The following TAF4 variants were observed in gnomAD, a reference collection of about 807,000 sequenced individuals.
TAF4 encodes the protein TATA-box binding protein associated factor 4.
TAF4 carries 9 observed loss-of-function variants against 90.3 expected under a neutral mutation model. The ratio of observed to expected loss-of-function variants is 0.10; its 90% CI spans 0.06 to 0.17. The LOEUF (loss-of-function observed/expected upper bound fraction) is 0.17. Ranked by LOEUF, TAF4 falls within the 10% of genes least tolerant of loss-of-function variation. The pLI is 1.00. For synonymous variants in TAF4, 818 were observed against 638.9 expected (o/e 1.28, Z -4.23); for missense variants, 1,351 against 1,370.7 (o/e 0.99, Z 0.23).
intron 3 of TAF4, chr20:62,012,122 C>T (rs2055782575): frequency 6.6e-6 from 1 of 152,370 alleles, no homozygotes; most frequent in Non-Finnish European, 1.5e-5. Flanking sequence ...GGACACGCTC[C>T]TCTCTGCAGA....
At chr20:62,064,259 C>T in intron 1 of TAF4, 192 bp downstream of exon 1, 1 of 527,228 alleles carries the variant, frequency 1.9e-6, no homozygotes. Flanking sequence ...GCTATGCCGA[C>T]TCCCTCTGGC....
chr20:61,985,373 G>A (rs2055581615), intron 14 of TAF4, among the ~76,000 whole-genome samples: 1 of 152,116 alleles, frequency 6.6e-6, no homozygotes, highest in African/African-American at 2.4e-5. Flanking sequence ...GAGTCTAGGA[G>A]CCTCAGGCCA....
chr20:62,032,882 G>A (rs574235587), intron 1 of TAF4, among the ~76,000 whole-genome samples: 3 of 152,298 alleles, frequency 2.0e-5, no homozygotes, highest in East Asian at 1.9e-4. Context: ...CGATCAATCC[G>A]ATTCATCAGT....
chr20:62,043,532 A>G (rs544195663), intron 1 of TAF4, among the ~76,000 whole-genome samples: 1 of 152,330 alleles, frequency 6.6e-6, no homozygotes, highest in South Asian at 2.1e-4. Context: ...ACAGCAGCAC[A>G]GTCATGTCCC....
chr20:62,055,012 A>G (rs2145517834), intron 1 of TAF4, among the ~76,000 whole-genome samples: 1 of 150,720 alleles, frequency 6.6e-6, no homozygotes, highest in South Asian at 2.1e-4. Flanking sequence ...GGCCCCTGCC[A>G]CAACCACCCC....
At chr20:62,038,176 C>T (rs1247348435) in intron 1 of TAF4, among the ~76,000 whole-genome samples, 4 of 152,074 alleles carry the variant, frequency 2.6e-5, no homozygotes, top group East Asian at 1.9e-4. Flanking sequence ...TACAGGAGCC[C>T]ACCACTACGC....
At chr20:61,977,151 C>T (rs1204282200) in intron 14 of TAF4, among the ~76,000 whole-genome samples, 7 of 146,904 alleles carry the variant, frequency 4.8e-5, no homozygotes, top group South Asian at 2.2e-4. Context: ...GCCACACACA[C>T]GACACCGCCC....
In TAF4 at chr20:62,012,803, C is replaced by G; in HGVS notation, c.1641+12G>C. ...CCTGCAGCCTCAAGAGATCCGCCGC[C>G]TGCCCTCTCACCTGGACGCCGGGCG... is the stretch of plus-strand genomic sequence containing the variant. On this transcript the variant is annotated intron_variant, in intron 3 of 14. Transcript: ENST00000252996. 6.2e-7 allele frequency: 1 copy of G among 1,607,882 alleles called. No individual in the cohort carries two copies. Among genetic ancestry groups the G allele is most frequent in the Middle Eastern group, 1.7e-4 (1 of 5,818 alleles).
intron 1 of TAF4, among the ~76,000 whole-genome samples, chr20:62,018,984 C>T (rs1163929848): frequency 2.0e-5 from 3 of 151,940 alleles, no homozygotes; most frequent in Admixed American, 2.0e-4. Flanking sequence ...CCCCAGCTCA[C>T]AGCCCCTCTC....
At chr20:61,989,905 C>G (rs572868988) in intron 14 of TAF4, among the ~76,000 whole-genome samples, 12 of 152,318 alleles carry the variant, frequency 7.9e-5, no homozygotes, top group African/African-American at 2.9e-4. Context: ...GACTGAGCAG[C>G]CCCAGGGGTG....
chr20:61,992,637 T>C (rs73297778), intron 14 of TAF4, among the ~76,000 whole-genome samples: 3,639 of 152,232 alleles, frequency 0.024, 64 homozygotes, highest in Middle Eastern at 0.058. Context: ...TGCTGTCCAC[T>C]GAAAAGGCCA....
At chr20:62,027,824 C>T in intron 1 of TAF4, among the ~76,000 whole-genome samples, 1 of 152,222 alleles carries the variant, frequency 6.6e-6, no homozygotes, top group Non-Finnish European at 1.5e-5. Context: ...GCAGGCATGG[C>T]CCACATCGCT....
chr20:62,024,053 G>C (rs1467657693), intron 1 of TAF4, among the ~76,000 whole-genome samples: 2 of 152,092 alleles, frequency 1.3e-5, no homozygotes, highest in African/African-American at 2.4e-5. Context: ...ACTCCAACCT[G>C]GGTGACACAG....
Position 62,064,976 on chromosome 20 carries a change from T to A in TAF4, c.835A>T (p.Thr279Ser). ...APPPPPPAPA[T>S]LARPPGHPAG... ...GGGTGGCCGGGCGGCCGGGCCAGAG[T>A]GGCGGGCGCGGGGGGTGGCGGGGGC... The change falls in exon 1 of 15, where the codon ACT becomes TCT. Residue 279 changes from threonine (T) to serine (S), a missense_variant. Thr to Ser is a moderately conservative substitution (Grantham distance 58). Around this residue, in one of 9 missense-constraint regions of TAF4, gnomAD observed 782 missense variants for 536.6 expected, o/e 1.46. Transcript: ENST00000252996. 9.1e-6 allele frequency: 2 copies of A among 220,806 alleles called. No homozygotes were observed. The highest frequency in any genetic ancestry group is 1.1e-5 in the Non-Finnish European group (2 of 187,802). The allele number at this position is 220,806 out of a possible 1,614,324, so 13.7% of individuals were successfully genotyped here.
Position 61,975,618 on chromosome 20 carries a change from C to T in TAF4, c.*550G>A, listed in dbSNP as rs2055488575. On this transcript the variant is annotated 3_prime_UTR_variant, in exon 15 of 15. Transcript: ENST00000252996. Reference sequence around the variant, plus strand: ...GGGTGCAACGATGAATTGTGTATTCCTCCAGGATTCTCAGCGGAGTGGAGG... The same window carrying T: ...GGGTGCAACGATGAATTGTGTATTCTTCCAGGATTCTCAGCGGAGTGGAGG... The T allele has an allele frequency of 6.6e-6, 1 of 150,680 alleles. No homozygotes were observed. Among genetic ancestry groups the T allele is most frequent in the Non-Finnish European group, 1.4e-5 (1 of 69,310 alleles). The allele number at this position is 150,680 out of a possible 1,614,324, so 9.3% of individuals were successfully genotyped here.
chr20:62,045,385 G>A (rs1465885118), intron 1 of TAF4, among the ~76,000 whole-genome samples: 1 of 152,214 alleles, frequency 6.6e-6, no homozygotes, highest in Non-Finnish European at 1.5e-5. Flanking sequence ...GACGATGGCG[G>A]TGAAACTTTC....
In TAF4 at chr20:62,059,906, T is replaced by C. The variant is rs577128901; in HGVS notation, c.1360+4545A>G. Among the ~76,000 whole-genome samples the C allele has an allele frequency of 1.7e-4, 26 of 152,346 alleles. 1 individual carries two copies. In the South Asian group the frequency reaches 5.4e-3, roughly 32 times the overall value. ...ATCAACTCACTTACAACCAACAATTTATAAAAGCTTTCTTCAAATTTATCC... is the reference window on the plus strand; with the variant it reads ...ATCAACTCACTTACAACCAACAATTCATAAAAGCTTTCTTCAAATTTATCC... On this transcript the variant is annotated intron_variant, in intron 1 of 14. Transcript: ENST00000252996.
At position 62,003,893 on chromosome 20, in the gene TAF4, G is replaced by A. The variant is rs1217922854; in HGVS notation, c.2224-15C>T. ...TGCTGGATGACCTGAGGCAGAGCCA[G>A]CAGAGAATGGTGAGCATGCTCCCCG... On this transcript the variant is annotated splice_polypyrimidine_tract_variant and intron_variant, in intron 7 of 14. Transcript: ENST00000252996. The A allele has an allele frequency of 1.3e-6, 2 of 1,539,220 alleles. No individual in the cohort carries two copies. The highest frequency in any genetic ancestry group is 8.7e-7 in the Non-Finnish European group (1 of 1,146,962).
chr20:61,998,114 A>C (rs2055675115), intron 13 of TAF4, 22 bp downstream of exon 13: 1 of 1,613,362 alleles, frequency 6.2e-7, no homozygotes, highest in Non-Finnish European at 8.5e-7. Flanking sequence ...GCCCACGAGC[A>C]CTCACGACTA....
Sources: gnomAD v4.1 joint callset for allele counts (sites outside exome capture counted in the v4.1 genomes callset) on GRCh38, gnomAD v4.1.1 for gene constraint, gnomAD v4.1.1 regional missense constraint, MANE v1.5 for transcripts, NCBI Gene and HGNC (gene_info 2026-07-23, HGNC 2026-07-21) for gene names.